GPR152: variants seen among roughly 807,000 people sequenced by gnomAD.
GPR152 encodes the protein G protein-coupled receptor 152, also known as probable G protein-coupled receptor 152.
For synonymous variants in GPR152, 278 were observed against 289.0 expected (o/e 0.96, Z 0.39); for missense variants, 549 against 617.2 (o/e 0.89, Z 1.17).
Position 67,452,189 on chromosome 11 carries a change from A to G in GPR152, c.536T>C (p.Leu179Pro), listed in dbSNP as rs1476545453. 6.2e-7 allele frequency: 1 copy of G among 1,608,704 alleles called. No homozygotes were observed. Among genetic ancestry groups the G allele is most frequent in the Non-Finnish European group, 8.5e-7 (1 of 1,179,936 alleles). Residue 179 changes from leucine (L) to proline (P), a missense_variant, in exon 1 of 1, where the codon CTG becomes CCG. Coordinates refer to ENST00000312457, the MANE Select transcript of GPR152 (RefSeq NM_206997.1). Reference sequence around the variant, plus strand: ...GTCCCAGAAGTCCAGGCAGATGACCAGGTCGTACCACCAGACGGCAGCCTC... The same window carrying G: ...GTCCCAGAAGTCCAGGCAGATGACCGGGTCGTACCACCAGACGGCAGCCTC... The part of the protein sequence containing the change: ...FPEAAVWWYD[L>P]VICLDFWDSE...
In GPR152 at chr11:67,451,720, A is replaced by G. The variant is rs1864566146; in HGVS notation, c.1005T>C (p.Asp335=). 2 of 1,613,660 alleles carry G rather than the reference A, an allele frequency of 1.2e-6. No homozygotes were observed. The highest frequency in any genetic ancestry group is 1.7e-6 in the Non-Finnish European group (2 of 1,180,032). Residue 335 remains aspartate (D), a synonymous_variant, in exon 1 of 1, where the codon GAT becomes GAC. Transcript: ENST00000312457. ...GCTCTGGCAGAGTTGGACCCTCAGA[A>G]TCTAGCTGGGTCTGTGGCTCAGTGG... ...FTPTEPQTQL[D]SEGPTLPEPM...
chr11:67,451,972 C>T lies in GPR152; in HGVS notation c.753G>A (p.Leu251=). ...TILSAYVVLR[L]PYQLAQLLYL... is the part of the protein sequence containing the mutation. ...AGAGCAGCTGGGCCAGCTGGTAGGG[C>T]AGCCTCAGGACCACATAGGCTGACA... The change falls in exon 1 of 1, where the codon CTG becomes CTA. Residue 251 remains leucine, a synonymous_variant. Coordinates refer to ENST00000312457, the MANE Select transcript of GPR152 (RefSeq NM_206997.1). 1 of 1,610,898 alleles carries T rather than the reference C, an allele frequency of 6.2e-7. No homozygotes were observed. Among genetic ancestry groups the T allele is most frequent in the Non-Finnish European group, 8.5e-7 (1 of 1,179,990 alleles).
In GPR152 at chr11:67,451,410, G is replaced by A; in HGVS notation, c.1315C>T (p.Pro439Ser). 1 of 1,613,738 alleles carries A rather than the reference G, an allele frequency of 6.2e-7. No homozygotes were observed. The highest frequency in any genetic ancestry group is 8.5e-7 in the Non-Finnish European group (1 of 1,179,830). ...GTGGCTGGGTCCTCAAGGGCCCCTG[G>A]GGTAGGATGCGAGGATGGGGTTGGG... ...ASPTPSSHPT[P>S]GALEDPATPP... Residue 439 changes from proline to serine, a missense_variant, in exon 1 of 1, where the codon CCA (proline) becomes TCA (serine). Transcript: ENST00000312457.
Position 67,452,602 on chromosome 11 carries a change from G to A in GPR152, c.123C>T (p.Leu41=), listed in dbSNP as rs1350137166. Residue 41 remains leucine (L), a synonymous_variant, in exon 1 of 1, where the codon CTC becomes CTT. Transcript: ENST00000312457. ...TCAACCCATTGGCTGGCAGCCCAAG[G>A]AGCAGCAGGGCCACCAGGAAGACCG... ...WDTVFLVALL[L]LGLPANGLMA... The A allele has an allele frequency of 1.9e-6, 3 of 1,612,944 alleles. No individual in the cohort carries two copies. Among genetic ancestry groups the A allele is most frequent in the South Asian group, 1.1e-5 (1 of 90,892 alleles).
At position 67,451,836 on chromosome 11, in the gene GPR152, T is replaced by C; in HGVS notation, c.889A>G (p.Met297Val). 1 of 1,613,104 alleles carries C rather than the reference T, an allele frequency of 6.2e-7. No individual in the cohort carries two copies. Among genetic ancestry groups the C allele is most frequent in the Non-Finnish European group, 8.5e-7 (1 of 1,179,946 alleles). ...NSCLSPFLCL[M>V]ASADLRTLLR... ...AGGGTCCGGAGGTCGGCACTGGCCA[T>C]GAGGCAGAGGAAGGGGCTGAGGCAG... Residue 297 changes from methionine (M) to valine (V), a missense_variant, in exon 1 of 1, where the codon ATG becomes GTG. Coordinates refer to ENST00000312457, the MANE Select transcript of GPR152 (RefSeq NM_206997.1).
rs769833209 is a variant in GPR152 at position 67,452,383 on chromosome 11, G to C, written c.342C>G (p.Ser114=). 5 of 1,612,712 alleles carry C rather than the reference G, an allele frequency of 3.1e-6. No individual in the cohort carries two copies. Among genetic ancestry groups the C allele is most frequent in the Non-Finnish European group, 4.2e-6 (5 of 1,179,876 alleles). ...CRFYYFLWGV[S]YSSGLFLLAA... is the part of the protein sequence containing the mutation. The stretch of plus-strand genomic sequence containing the variant: ...CCAGCAGGAAGAGGCCGGAGGAGTA[G>C]GACACGCCCCATAGGAAGTAGTAGA... Residue 114 remains serine, a synonymous_variant, in exon 1 of 1, where the codon TCC becomes TCG. Transcript: ENST00000312457.
Position 67,452,547 on chromosome 11 carries a change from G to T in GPR152, c.178C>A (p.His60Asn). 1.1e-5 allele frequency: 17 copies of T among 1,606,626 alleles called. No individual in the cohort carries two copies. The highest frequency in any genetic ancestry group is 1.4e-5 in the Non-Finnish European group (17 of 1,176,956). The change falls in exon 1 of 1, where the codon CAT (histidine) becomes AAT (asparagine). Residue 60 changes from histidine (H) to asparagine (N), a missense_variant. By Grantham distance (68) the His-to-Asn change is moderately conservative. Coordinates refer to ENST00000312457, the MANE Select transcript of GPR152 (RefSeq NM_206997.1). ...MAWLAGSQAR[H>N]GAGTRLALLL... The stretch of plus-strand genomic sequence containing the variant: ...AGCGCCAGACGCGTGCCAGCTCCAT[G>T]CCGGGCCTGGGAGCCGGCCAGCCAC...
chr11:67,452,037 C>G lies in GPR152; in HGVS notation c.688G>C (p.Ala230Pro). 1 of 1,612,280 alleles carries G rather than the reference C, an allele frequency of 6.2e-7. No homozygotes were observed. The change falls in exon 1 of 1, where the codon GCA (alanine) becomes CCA (proline). Residue 230 changes from alanine (A) to proline (P), a missense_variant. Physicochemically the swap from Ala to Pro is conservative, Grantham distance 27 (BLOSUM62 -1). Transcript: ENST00000312457. ...CRTCHRQQQP[A>P]ACRGFARVAR... ...ACACGGGCGAAGCCCCGGCAGGCTG[C>G]GGGCTGCTGTTGGCGGTGGCAGGTG...
At position 67,452,181 on chromosome 11, in the gene GPR152, A is replaced by G; in HGVS notation, c.544T>C (p.Cys182Arg). 6.2e-7 allele frequency: 1 copy of G among 1,609,138 alleles called. No homozygotes were observed. The highest frequency in any genetic ancestry group is 1.1e-5 in the South Asian group (1 of 91,090). ...AAVWWYDLVICLDFWDSEELS... is the reference protein window; with the variant it reads ...AAVWWYDLVIRLDFWDSEELS... ...TCCTCGCTGTCCCAGAAGTCCAGGCAGATGACCAGGTCGTACCACCAGACG... is the reference window on the plus strand; with the variant it reads ...TCCTCGCTGTCCCAGAAGTCCAGGCGGATGACCAGGTCGTACCACCAGACG... The change falls in exon 1 of 1, where the codon TGC (cysteine) becomes CGC (arginine). Residue 182 changes from cysteine to arginine, a missense_variant. Transcript: ENST00000312457.
At position 67,452,548 on chromosome 11, in the gene GPR152, C is replaced by A. The variant is rs768756067; in HGVS notation, c.177G>T (p.Arg59=). The A allele has an allele frequency of 6.2e-7, 1 of 1,606,196 alleles. No individual in the cohort carries two copies. The highest frequency in any genetic ancestry group is 1.3e-5 in the African/African-American group (1 of 74,926). The part of the protein sequence containing the change: ...LMAWLAGSQA[R]HGAGTRLALL... ...GCGCCAGACGCGTGCCAGCTCCATG[C>A]CGGGCCTGGGAGCCGGCCAGCCACG... The change falls in exon 1 of 1, where the codon CGG becomes CGT. Residue 59 remains arginine (R), a synonymous_variant. Coordinates refer to ENST00000312457, the MANE Select transcript of GPR152 (RefSeq NM_206997.1).
chr11:67,452,297 C>G lies in GPR152; in HGVS notation c.428G>C (p.Arg143Pro). 1 of 1,608,960 alleles carries G rather than the reference C, an allele frequency of 6.2e-7. No individual in the cohort carries two copies. The highest frequency in any genetic ancestry group is 1.3e-5 in the African/African-American group (1 of 75,030). ...GACCCAGAGGGGCAGGCGGACTGGG[C>G]GGTGCCCAGGGTACCAGTGTGGGCA... ...ALCPHWYPGH[R>P]PVRLPLWVCA... The change falls in exon 1 of 1, where the codon CGC becomes CCC. Residue 143 changes from arginine (R) to proline (P), a missense_variant. Physicochemically the swap from Arg to Pro is moderately radical, Grantham distance 103. Transcript: ENST00000312457.
chr11:67,452,491 G>T lies in GPR152; in HGVS notation c.234C>A (p.Phe78Leu), dbSNP rs748200350. 2.5e-6 allele frequency: 4 copies of T among 1,611,318 alleles called. No individual in the cohort carries two copies. Among genetic ancestry groups the T allele is most frequent in the Non-Finnish European group, 3.4e-6 (4 of 1,179,284 alleles). The change falls in exon 1 of 1, where the codon TTC (phenylalanine) becomes TTA (leucine). Residue 78 changes from phenylalanine (F) to leucine (L), a missense_variant. Coordinates refer to ENST00000312457, the MANE Select transcript of GPR152 (RefSeq NM_206997.1). ...LLLLSLALSD[F>L]LFLAAAAFQI... is the part of the protein sequence containing the mutation. ...GGAAGGCCGCTGCTGCCAGGAACAA[G>T]AAGTCAGAGAGGGCCAGGCTGAGCA...
chr11:67,451,514 G>A lies in GPR152; in HGVS notation c.1211C>T (p.Ala404Val). ...LMAQPQSDSV[A>V]QPQADTNVQT... ...GACGTTAGTGTCTGCCTGTGGCTGG[G>A]CCACAGAATCTGACTGTGGCTGGGC... Residue 404 changes from alanine to valine, a missense_variant, in exon 1 of 1, where the codon GCC becomes GTC. Ala to Val is a moderately conservative substitution (Grantham distance 64). Coordinates refer to ENST00000312457, the MANE Select transcript of GPR152 (RefSeq NM_206997.1). The A allele has an allele frequency of 6.2e-7, 1 of 1,612,692 alleles. No individual in the cohort carries two copies. Among genetic ancestry groups the A allele is most frequent in the Non-Finnish European group, 8.5e-7 (1 of 1,178,722 alleles).
In GPR152 at chr11:67,452,374, G is replaced by A. The variant is rs776535111; in HGVS notation, c.351C>T (p.Ser117=). ...TGAGGGCGGCCAGCAGGAAGAGGCC[G>A]GAGGAGTAGGACACGCCCCATAGGA... is the stretch of plus-strand genomic sequence containing the variant. The part of the protein sequence containing the change: ...YYFLWGVSYS[S]GLFLLAALSL... Residue 117 remains serine, a synonymous_variant, in exon 1 of 1, where the codon TCC becomes TCT. Transcript: ENST00000312457. 1.1e-5 allele frequency: 17 copies of A among 1,612,368 alleles called. No homozygotes were observed. Among genetic ancestry groups the A allele is most frequent in the Admixed American group, 1.7e-5 (1 of 59,912 alleles).
At position 67,451,530 on chromosome 11, in the gene GPR152, G is replaced by T. The variant is rs368946390; in HGVS notation, c.1195C>A (p.Gln399Lys). The T allele has an allele frequency of 1.2e-6, 2 of 1,613,992 alleles. No individual in the cohort carries two copies. The highest frequency in any genetic ancestry group is 8.5e-7 in the Non-Finnish European group (1 of 1,179,968). ...TGTGGCTGGGCCACAGAATCTGACTGTGGCTGGGCCATGAGGTTCAGCTGT... is the reference window on the plus strand; with the variant it reads ...TGTGGCTGGGCCACAGAATCTGACTTTGGCTGGGCCATGAGGTTCAGCTGT... ...QPQLNLMAQP[Q>K]SDSVAQPQAD... is the part of the protein sequence containing the mutation. The change falls in exon 1 of 1, where the codon CAG becomes AAG. Residue 399 changes from glutamine (Q) to lysine (K), a missense_variant. Gln to Lys is a moderately conservative substitution (Grantham distance 53). Coordinates refer to ENST00000312457, the MANE Select transcript of GPR152 (RefSeq NM_206997.1).
Position 67,452,097 on chromosome 11 carries a change from C to G in GPR152, c.628G>C (p.Val210Leu), listed in dbSNP as rs540353236. Residue 210 changes from valine (V) to leucine (L), a missense_variant, in exon 1 of 1, where the codon GTC becomes CTC. Val to Leu is a conservative substitution (Grantham distance 32, BLOSUM62 1). Coordinates refer to ENST00000312457, the MANE Select transcript of GPR152 (RefSeq NM_206997.1). ...GGFLPFLLLLVCHVLTQATAC... is the reference protein window; with the variant it reads ...GGFLPFLLLLLCHVLTQATAC... ...GTGGCCTGGGTGAGCACGTGGCAGACGAGCAGCAGGAGGAAAGGCAGGAAG... is the reference window on the plus strand; with the variant it reads ...GTGGCCTGGGTGAGCACGTGGCAGAGGAGCAGCAGGAGGAAAGGCAGGAAG... The G allele has an allele frequency of 6.2e-7, 1 of 1,611,984 alleles. No individual in the cohort carries two copies. The highest frequency in any genetic ancestry group is 8.5e-7 in the Non-Finnish European group (1 of 1,179,824).
rs1330273983 is a variant in GPR152, at chr11:67,451,529, T to G, written c.1196A>C (p.Gln399Pro). ...QPQLNLMAQP[Q>P]SDSVAQPQAD... ...CTGTGGCTGGGCCACAGAATCTGAC[T>G]GTGGCTGGGCCATGAGGTTCAGCTG... The change falls in exon 1 of 1, where the codon CAG becomes CCG. Residue 399 changes from glutamine to proline, a missense_variant. Transcript: ENST00000312457. 6.2e-7 allele frequency: 1 copy of G among 1,613,992 alleles called. No individual in the cohort carries two copies. The highest frequency in any genetic ancestry group is 8.5e-7 in the Non-Finnish European group (1 of 1,179,948).
Position 67,452,396 on chromosome 11 carries a change from A to T in GPR152, c.329T>A (p.Leu110Gln). Residue 110 changes from leucine (L) to glutamine (Q), a missense_variant, in exon 1 of 1, where the codon CTA becomes CAA. By Grantham distance (113) the Leu-to-Gln change is moderately radical. Transcript: ENST00000312457. ...GTAACRFYYF[L>Q]WGVSYSSGLF... ...GCCGGAGGAGTAGGACACGCCCCAT[A>T]GGAAGTAGTAGAAGCGGCAGGCAGC... The T allele has an allele frequency of 6.2e-7, 1 of 1,612,836 alleles. No individual in the cohort carries two copies. Among genetic ancestry groups the T allele is most frequent in the Admixed American group, 1.7e-5 (1 of 59,980 alleles).
In GPR152 at chr11:67,451,498, G is replaced by T; in HGVS notation, c.1227C>A (p.Asp409Glu). 6.2e-7 allele frequency: 1 copy of T among 1,614,212 alleles called. No homozygotes were observed. The highest frequency in any genetic ancestry group is 1.7e-5 in the Admixed American group (1 of 60,034). The change falls in exon 1 of 1, where the codon GAC becomes GAA. Residue 409 changes from aspartate to glutamate, a missense_variant. Coordinates refer to ENST00000312457, the MANE Select transcript of GPR152 (RefSeq NM_206997.1). Reference protein sequence around the residue: ...QSDSVAQPQADTNVQTPAPAA... With the variant: ...QSDSVAQPQAETNVQTPAPAA... ...CAGGTGCAGGGGTCTGGACGTTAGT[G>T]TCTGCCTGTGGCTGGGCCACAGAAT...
Sources: allele counts gnomAD v4.1 joint callset, GRCh38; gene constraint gnomAD v4.1.1; transcripts MANE v1.5; gene names NCBI Gene and HGNC (gene_info 2026-07-23, HGNC 2026-07-21).